The following CLNK variants were observed in gnomAD, a reference collection of about 807,000 sequenced individuals.
CLNK encodes cytokine-dependent hematopoietic cell linker.
A neutral mutation model predicts 68.6 loss-of-function variants in CLNK; 74 were observed. That is an observed-to-expected ratio of 1.08 (90% CI 0.89 to 1.31). The LOEUF (loss-of-function observed/expected upper bound fraction) is 1.31. Ranked by LOEUF, CLNK falls within the 50% of genes most tolerant of loss-of-function variation. The pLI, the probability that CLNK is intolerant of heterozygous loss-of-function variation, is 0.00. For missense variants in CLNK, 553 were observed against 515.3 expected, an observed-to-expected ratio of 1.07 and a Z score of -0.71; for synonymous variants, 198 against 172.2, an observed-to-expected ratio of 1.15 and a Z score of -1.17.
At chr4:10,717,411 C>T in the CLNK span, among the ~76,000 whole-genome samples, 1 of 152,156 alleles carries the variant, frequency 6.6e-6, no homozygotes, top group African/African-American at 2.4e-5. Context: ...GCCTGGGCAA[C>T]TTAGAGAAAC....
the CLNK span, among the ~76,000 whole-genome samples, chr4:10,693,909 C>G: frequency 6.6e-6 from 1 of 152,118 alleles, no homozygotes; most frequent in Admixed American, 6.5e-5. Flanking sequence ...CAGTTTGAAA[C>G]CATTTTGCAG....
the CLNK span, among the ~76,000 whole-genome samples, chr4:10,725,802 C>G: frequency 6.6e-6 from 1 of 151,576 alleles, no homozygotes; most frequent in Non-Finnish European, 1.5e-5. Context: ...TTGCAGTGAG[C>G]CGAGATGCGC....
chr4:10,634,262 C>T (rs1280817148), intron 2 of CLNK, among the ~76,000 whole-genome samples: 1 of 152,034 alleles, frequency 6.6e-6, no homozygotes, highest in Non-Finnish European at 1.5e-5. Context: ...GGCCTTTTTC[C>T]AAAGGAAGTT....
chr4:10,605,768 C>T (rs187716814), intron 2 of CLNK, among the ~76,000 whole-genome samples: 2 of 126,572 alleles, frequency 1.6e-5, no homozygotes, highest in East Asian at 5.0e-4. Flanking sequence ...GCAGAGGTTG[C>T]AGTGAGCTGA....
At chr4:10,672,463 T>G (rs1217662772) in intron 1 of CLNK, among the ~76,000 whole-genome samples, 4 of 152,130 alleles carry the variant, frequency 2.6e-5, no homozygotes, top group African/African-American at 9.7e-5. Context: ...AAATACCATA[T>G]CTAAGACATG....
chr4:10,506,009 C>T (rs1577092424), intron 17 of CLNK, among the ~76,000 whole-genome samples: 1 of 152,246 alleles, frequency 6.6e-6, no homozygotes, highest in Non-Finnish European at 1.5e-5. Flanking sequence ...TTTTAGGTTA[C>T]CTCCTTCAAC....
intron 17 of CLNK, among the ~76,000 whole-genome samples, chr4:10,507,526 C>A (rs1406935953): frequency 6.6e-6 from 1 of 151,920 alleles, no homozygotes; most frequent in Non-Finnish European, 1.5e-5. Flanking sequence ...TGCAGTGGCA[C>A]AGTCTTGGCT....
the CLNK span, among the ~76,000 whole-genome samples, chr4:10,699,242 A>ACACACACCACG: frequency 2.3e-3 from 128 of 56,422 alleles, 16 homozygotes; most frequent in East Asian, 0.011. Flanking sequence ...ATACACACAC[A>ACACACACCACG]TACACACCAC....
chr4:10,697,738 G>C, the CLNK span: 15 of 152,226 alleles, frequency 9.9e-5, no homozygotes, highest in Non-Finnish European at 1.0e-4. Flanking sequence ...CTGCCTACTG[G>C]TTCCCAAACC....
At chr4:10,584,345 C>T (rs1252267647) in intron 4 of CLNK, among the ~76,000 whole-genome samples, 1 of 152,154 alleles carries the variant, frequency 6.6e-6, no homozygotes, top group Non-Finnish European at 1.5e-5. Context: ...CTGCCTCATT[C>T]CAGTCATTCT....
intron 2 of CLNK, among the ~76,000 whole-genome samples, chr4:10,613,797 T>C (rs907223035): frequency 2.0e-5 from 3 of 152,228 alleles, no homozygotes; most frequent in Non-Finnish European, 2.9e-5. Context: ...ATGTCTGCTC[T>C]TTTGGAAACC....
At chr4:10,709,206 A>G in the CLNK span, among the ~76,000 whole-genome samples, 21 of 152,342 alleles carry the variant, frequency 1.4e-4, no homozygotes, top group African/African-American at 4.8e-4. Flanking sequence ...GAAAGACTCA[A>G]AAAACTTTTT....
chr4:10,666,342 A>G (rs1724395129), intron 2 of CLNK, among the ~76,000 whole-genome samples: 1 of 152,186 alleles, frequency 6.6e-6, no homozygotes, highest in South Asian at 2.1e-4. Flanking sequence ...CAATTTGTCT[A>G]TCCTATAATG....
At chr4:10,559,876 T>C (rs540657431) in intron 7 of CLNK, among the ~76,000 whole-genome samples, 35 of 152,352 alleles carry the variant, frequency 2.3e-4, no homozygotes, top group Admixed American at 2.0e-3. Context: ...GTTTGGGTAC[T>C]ACTGAGAATT....
rs181438987 is a variant in CLNK, at chr4:10,498,697, G to C, written c.1140+2559C>G. On this transcript the variant is annotated intron_variant, in intron 18 of 18. Transcript: ENST00000226951. Reference sequence around the variant, plus strand: ...TATAACTAAAATTTATTGTGGGCTTGATAGGTCCCAGGCACTGTTCTAAGT... The same window carrying C: ...TATAACTAAAATTTATTGTGGGCTTCATAGGTCCCAGGCACTGTTCTAAGT... Among the ~76,000 whole-genome samples the C allele has an allele frequency of 9.5e-4, 144 of 152,252 alleles. 3 individuals carry two copies. The highest frequency in any genetic ancestry group is 5.6e-3 in the Admixed American group (85 of 15,290).
In CLNK at chr4:10,490,586, C is replaced by T. The variant is rs375814264; in HGVS notation, c.1168G>A (p.Glu390Lys). Residue 390 changes from glutamate to lysine, a missense_variant, in exon 19 of 19, where the codon GAA becomes AAA. Physicochemically the swap from Glu to Lys is moderately conservative, Grantham distance 56. Coordinates refer to ENST00000226951, the MANE Select transcript of CLNK (RefSeq NM_052964.4). ...EKFDSVEDIIEHYKNFPIILI... is the reference protein window; with the variant it reads ...EKFDSVEDIIKHYKNFPIILI... ...ATAATGGGAAAATTCTTGTAGTGTT[C>T]GATGATGTCTTCTACTGAATCAAAC... 21 of 1,579,254 alleles carry T rather than the reference C, an allele frequency of 1.3e-5. No homozygotes were observed. The highest frequency in any genetic ancestry group is 4.6e-5 in the South Asian group (4 of 86,394).
intron 7 of CLNK, among the ~76,000 whole-genome samples, chr4:10,562,081 ATTTCTTTTCTTTTTCT>A (rs1425763186): frequency 7.1e-6 from 1 of 141,534 alleles, no homozygotes; most frequent in African/African-American, 2.6e-5. Flanking sequence ...TTGAAGATTC[ATTTCTTTTCTTTTTCT>A]TTTCTTTTTT....
chr4:10,542,453 G>A (rs988637283), intron 8 of CLNK, among the ~76,000 whole-genome samples, 173 bp from the exon 9 acceptor site: 6 of 152,034 alleles, frequency 3.9e-5, no homozygotes, highest in Non-Finnish European at 5.9e-5. Context: ...CTTTAGTTAC[G>A]TGGTCTTATT....
At chr4:10,573,470 C>T in intron 4 of CLNK, among the ~76,000 whole-genome samples, 1 of 152,148 alleles carries the variant, frequency 6.6e-6, no homozygotes, top group African/African-American at 2.4e-5. Context: ...ATTACATCCC[C>T]ACTGAGATCC....
Sources: allele counts gnomAD v4.1 joint callset (sites outside exome capture counted in the v4.1 genomes callset), GRCh38; gene constraint gnomAD v4.1.1; transcripts MANE v1.5; gene names NCBI Gene and HGNC (gene_info 2026-07-23, HGNC 2026-07-21).